The following BLOC1S2 variants were observed in gnomAD, a reference collection of about 807,000 sequenced individuals.
BLOC1S2 encodes biogenesis of lysosomal organelles complex 1 subunit 2.
In BLOC1S2, 12 loss-of-function variants were observed where a neutral mutation model predicts 19.6. That is an observed-to-expected ratio of 0.61 (90% CI 0.39 to 0.99). The LOEUF (loss-of-function observed/expected upper bound fraction) is 0.99. BLOC1S2 is among the 50% of genes least tolerant of loss of function. BLOC1S2 has a pLI of 0.00. For missense variants in BLOC1S2, 142 were observed against 171.0 expected (o/e 0.83, Z 0.95); for synonymous variants, 66 against 64.1 (o/e 1.03, Z -0.14).
Position 100,280,226 on chromosome 10 carries a change from C to T in BLOC1S2, c.295G>A (p.Ala99Thr), listed in dbSNP as rs774440371. 4 of 1,600,608 alleles carry T rather than the reference C, an allele frequency of 2.5e-6. No homozygotes were observed. The South Asian group carries it at 4.5e-5, about 18-fold the overall frequency. ...RNLKDLNQKY[A>T]GLQPYLDQIN... ...TGATCCAGATAAGGCTGCAGTCCAG[C>T]ATCTTTAAAAACAAAGAAAAACTTC... The change falls in exon 4 of 5, where the codon GCT becomes ACT. Residue 99 changes from alanine to threonine, a missense_variant and splice_region_variant. By Grantham distance (58) the Ala-to-Thr change is moderately conservative. Transcript: ENST00000370372.
At chr10:100,284,432 T>G (rs1848185029) in intron 2 of BLOC1S2, among the ~76,000 whole-genome samples, 2 of 152,194 alleles carry the variant, frequency 1.3e-5, no homozygotes, top group South Asian at 4.1e-4. Flanking sequence ...CCCAGCATTT[T>G]GGGAAGCTGA....
In BLOC1S2 at chr10:100,274,600, C is replaced by T. The variant is rs1847806448; in HGVS notation, c.*862G>A. 5.5e-6 allele frequency: 1 copy of T among 181,080 alleles called. No individual in the cohort carries two copies. Among genetic ancestry groups the T allele is most frequent in the Admixed American group, 6.2e-5 (1 of 16,166 alleles). 11.2% of individuals were successfully genotyped at this position (181,080 alleles called of 1,614,324 possible). A position where few individuals can be genotyped will look rare whatever the true frequency, so the allele number is the denominator to read the frequency against. ...AAGGCTGCCTATCTTTCAACCTAGA[C>T]TGGTCAGTCAGTATGTCCCATTGTC... On this transcript the variant is annotated 3_prime_UTR_variant, in exon 5 of 5. Transcript: ENST00000370372.
chr10:100,276,586 C>T (rs11190450), intron 4 of BLOC1S2, among the ~76,000 whole-genome samples: 5 of 151,224 alleles, frequency 3.3e-5, no homozygotes, highest in African/African-American at 9.7e-5. Context: ...CATCTCGGCT[C>T]GCTGCAGCCT....
At chr10:100,277,666 GC>G (rs546556982) in intron 4 of BLOC1S2, among the ~76,000 whole-genome samples, 26 of 126,390 alleles carry the variant, frequency 2.1e-4, no homozygotes, top group East Asian at 5.2e-4. Context: ...GGGGGGCTCA[GC>G]CCCCCCGCCC....
chr10:100,278,209 G>A (rs1399905520), intron 4 of BLOC1S2, among the ~76,000 whole-genome samples: 1 of 149,122 alleles, frequency 6.7e-6, no homozygotes, highest in African/African-American at 2.5e-5. Context: ...GGAGGGAGGT[G>A]GGGGGGTCAG....
chr10:100,275,113 A>G lies in BLOC1S2; in HGVS notation c.*349T>C, dbSNP rs1271762067. 3 of 401,356 alleles carry G rather than the reference A, an allele frequency of 7.5e-6. No homozygotes were observed. Among genetic ancestry groups the G allele is most frequent in the Non-Finnish European group, 1.3e-5 (3 of 227,558 alleles). 24.9% of individuals were successfully genotyped at this position (401,356 alleles called of 1,614,324 possible). Reference sequence around the variant, plus strand: ...AACTAAAAAACCAGCCACTTAAGAAAATAATGTAGTAATCAACCACTACCA... The same window carrying G: ...AACTAAAAAACCAGCCACTTAAGAAGATAATGTAGTAATCAACCACTACCA... On this transcript the variant is annotated 3_prime_UTR_variant, in exon 5 of 5. Transcript: ENST00000370372.
At chr10:100,279,600 C>T (rs1197396729) in intron 4 of BLOC1S2, among the ~76,000 whole-genome samples, 2 of 152,106 alleles carry the variant, frequency 1.3e-5, no homozygotes, top group Non-Finnish European at 2.9e-5. Context: ...ATGTACTTAC[C>T]TCACAGATTA....
intron 2 of BLOC1S2, among the ~76,000 whole-genome samples, chr10:100,281,402 C>G (rs1048330644): frequency 6.6e-6 from 1 of 152,062 alleles, no homozygotes; most frequent in African/African-American, 2.4e-5. Flanking sequence ...TATATACTAT[C>G]AGGCTGGGCG....
At chr10:100,279,505 C>T (rs1171417036) in intron 4 of BLOC1S2, among the ~76,000 whole-genome samples, 1 of 152,102 alleles carries the variant, frequency 6.6e-6, no homozygotes, top group Middle Eastern at 3.4e-3. Flanking sequence ...GAGGCTGAGG[C>T]GGGCGGATCA....
At chr10:100,286,068 C>T in intron 2 of BLOC1S2, 29 bp downstream of exon 2, 1 of 1,611,292 alleles carries the variant, frequency 6.2e-7, no homozygotes, top group Non-Finnish European at 8.5e-7. Context: ...GGCCAAACCG[C>T]ACCCGAATCA....
At chr10:100,278,271 G>A (rs1423176459) in intron 4 of BLOC1S2, among the ~76,000 whole-genome samples, 14 of 151,720 alleles carry the variant, frequency 9.2e-5, no homozygotes, top group South Asian at 2.1e-4. Flanking sequence ...GCCTCTGCCC[G>A]GCCGCCCCTA....
Position 100,286,592 on chromosome 10 carries a change from C to A in BLOC1S2, c.55+13G>T, listed in dbSNP as rs1159387052. 2.5e-6 allele frequency: 4 copies of A among 1,612,978 alleles called. No homozygotes were observed. The highest frequency in any genetic ancestry group is 3.4e-6 in the Non-Finnish European group (4 of 1,179,310). ...CCCCCACCGGACGCTTCCTCCCCATCCATTCCGGGTACCTCGGGCGGGCTC... is the reference window on the plus strand; with the variant it reads ...CCCCCACCGGACGCTTCCTCCCCATACATTCCGGGTACCTCGGGCGGGCTC... On this transcript the variant is annotated intron_variant, in intron 1 of 4. Transcript: ENST00000370372.
intron 3 of BLOC1S2, 28 bp downstream of exon 3, chr10:100,280,906 A>C: frequency 6.3e-7 from 1 of 1,592,658 alleles, no homozygotes; most frequent in East Asian, 2.3e-5. Flanking sequence ...AAATACAAAC[A>C]TGTTTAATTA....
chr10:100,276,772 G>A (rs1212639256), intron 4 of BLOC1S2, among the ~76,000 whole-genome samples: 6 of 150,656 alleles, frequency 4.0e-5, no homozygotes, highest in East Asian at 2.0e-4. Flanking sequence ...CCGAGGTGCC[G>A]GGATTGCAGA....
At chr10:100,277,803 C>CCGGCCAG (rs1847957350) in intron 4 of BLOC1S2, among the ~76,000 whole-genome samples, 1 of 133,136 alleles carries the variant, frequency 7.5e-6, no homozygotes, top group Admixed American at 7.1e-5. Flanking sequence ...GCCCCTCTGC[C>CCGGCCAG]CGGCCAGCCG....
At chr10:100,280,041 T>C (rs1029840280) in intron 4 of BLOC1S2, 83 bp downstream of exon 4, 1 of 1,044,838 alleles carries the variant, frequency 9.6e-7, no homozygotes, top group Admixed American at 2.0e-5. Flanking sequence ...AGGCACACCA[T>C]AAATGTTAAC....
intron 2 of BLOC1S2, chr10:100,282,758 A>G (rs1249623999): frequency 5.1e-6 from 2 of 393,496 alleles, no homozygotes; most frequent in African/African-American, 4.1e-5. Context: ...TTGTGCGAGT[A>G]AGAATAACAA....
At chr10:100,277,663 TCAGCCCCCCCGCCCGGC>T (rs1303858403) in intron 4 of BLOC1S2, among the ~76,000 whole-genome samples, 1 of 106,178 alleles carries the variant, frequency 9.4e-6, no homozygotes, top group African/African-American at 3.8e-5. Context: ...GGTGGGGGGC[TCAGCCCCCCCGCCCGGC>T]CAGCCGCCCC....
intron 4 of BLOC1S2, among the ~76,000 whole-genome samples, chr10:100,277,711 GC>G (rs1847952325): frequency 7.6e-6 from 1 of 130,956 alleles, no homozygotes; most frequent in Admixed American, 7.2e-5. Context: ...GAGGTGGGGG[GC>G]TCAGCCCCCC....
Sources: allele counts gnomAD v4.1 joint callset (sites outside exome capture counted in the v4.1 genomes callset), GRCh38; gene constraint gnomAD v4.1.1; transcripts MANE v1.5; gene names NCBI Gene and HGNC (gene_info 2026-07-23, HGNC 2026-07-21).